PLEKHA6: variants seen among roughly 807,000 people sequenced by gnomAD.
PLEKHA6 encodes pleckstrin homology domain containing A6, also known as pleckstrin homology domain-containing family A member 6.
Under a neutral mutation model 116.7 loss-of-function variants are expected in PLEKHA6, and 60 were observed. The observed-to-expected ratio is 0.51, with a 90% confidence interval of 0.42 to 0.64. The LOEUF (loss-of-function observed/expected upper bound fraction) is 0.64, where lower values mean the gene tolerates loss of function less well. Among genes scored for constraint, PLEKHA6 ranks in the 30% least tolerant of loss-of-function variants. The pLI, the probability that PLEKHA6 is intolerant of heterozygous loss-of-function variation, is 0.00. For missense variants in PLEKHA6, 1,338 were observed against 1,422.7 expected (o/e 0.94, Z 0.96); for synonymous variants, 489 against 556.1 (o/e 0.88, Z 1.70).
intron 7 of PLEKHA6, among the ~76,000 whole-genome samples, chr1:204,260,298 G>A (rs925239208): frequency 4.6e-5 from 7 of 152,104 alleles, no homozygotes; most frequent in African/African-American, 9.7e-5. Flanking sequence ...AAAACATGGC[G>A]GGCACCAGGA....
At chr1:204,346,487 G>T (rs1338514918) in intron 1 of PLEKHA6, among the ~76,000 whole-genome samples, 1 of 152,120 alleles carries the variant, frequency 6.6e-6, no homozygotes, top group Non-Finnish European at 1.5e-5. Context: ...ACAAAGTGGA[G>T]TCAAATAAAT....
chr1:204,256,977 G>T (rs569739079), intron 9 of PLEKHA6: 2 of 582,842 alleles, frequency 3.4e-6, no homozygotes, highest in Non-Finnish European at 6.1e-6. Context: ...AGGTATTTGT[G>T]TTCAGTTCCC....
chr1:204,304,910 T>C (rs553245351), intron 1 of PLEKHA6, among the ~76,000 whole-genome samples: 1 of 152,286 alleles, frequency 6.6e-6, no homozygotes, highest in Admixed American at 6.5e-5. Context: ...GAACAAACAT[T>C]GGTTGTTATT....
intron 1 of PLEKHA6, chr1:204,347,095 G>A (rs564121817): frequency 8.2e-5 from 104 of 1,274,332 alleles, no homozygotes; most frequent in South Asian, 5.5e-4. Flanking sequence ...GTGGTAACGC[G>A]TGTGGGGCAT....
At chr1:204,372,154 A>G (rs934245417) in intron 1 of PLEKHA6, among the ~76,000 whole-genome samples, 1 of 152,226 alleles carries the variant, frequency 6.6e-6, no homozygotes, top group African/African-American at 2.4e-5. Flanking sequence ...ATTCCCTCAC[A>G]CTGGAAATTT....
rs78033105 is a variant in PLEKHA6, at chr1:204,286,382, A to G, written c.-94-11573T>C. Among the ~76,000 whole-genome samples, 18 of 152,128 alleles carry G rather than the reference A, an allele frequency of 1.2e-4. No homozygotes were observed. In the East Asian group the frequency reaches 3.5e-3, roughly 30 times the overall value. Reference sequence around the variant, plus strand: ...CAGCAGCCGTGAAGAAAGACTGGGCATGGAGGCTGTGACAAGGAGGAATAG... The same window carrying G: ...CAGCAGCCGTGAAGAAAGACTGGGCGTGGAGGCTGTGACAAGGAGGAATAG... On this transcript the variant is annotated intron_variant, in intron 1 of 22. Coordinates refer to ENST00000272203, the MANE Select transcript of PLEKHA6 (RefSeq NM_014935.5).
chr1:204,260,223 G>A (rs1365802835), intron 7 of PLEKHA6, among the ~76,000 whole-genome samples: 1 of 152,188 alleles, frequency 6.6e-6, no homozygotes, highest in Non-Finnish European at 1.5e-5. Context: ...ACTGCCAAGA[G>A]TCTTGGGCTC....
chr1:204,375,600 C>G (rs1218579197), intron 1 of PLEKHA6, among the ~76,000 whole-genome samples: 1 of 152,090 alleles, frequency 6.6e-6, no homozygotes, highest in Non-Finnish European at 1.5e-5. Context: ...TAAGTTTCTC[C>G]TCCTGCCTCT....
intron 1 of PLEKHA6, among the ~76,000 whole-genome samples, chr1:204,329,888 C>CAAAAAAAAAAAAAAA (rs35574473): frequency 1.4e-4 from 17 of 118,420 alleles, no homozygotes; most frequent in African/African-American, 5.1e-4. Context: ...GACCCTGTCT[C>CAAAAAAAAAAAAAAA]AAAAAAAAAA....
intron 1 of PLEKHA6, among the ~76,000 whole-genome samples, chr1:204,327,295 C>G (rs904489971): frequency 6.6e-6 from 1 of 152,250 alleles, no homozygotes; most frequent in Non-Finnish European, 1.5e-5. Flanking sequence ...ACCCACCTGG[C>G]GCTGAGGCCT....
At chr1:204,256,603 A>G (rs1255244112) in intron 9 of PLEKHA6, among the ~76,000 whole-genome samples, 2 of 151,982 alleles carry the variant, frequency 1.3e-5, no homozygotes, top group Non-Finnish European at 2.9e-5. Context: ...CACAGAGGAG[A>G]AGGGGTTATT....
At chr1:204,250,425 G>C (rs1664378193) in intron 10 of PLEKHA6, 121 bp downstream of exon 10, 11 of 722,082 alleles carry the variant, frequency 1.5e-5, no homozygotes, top group South Asian at 1.4e-4. Context: ...ACCAGAAGGA[G>C]AGAGATAGAT....
In PLEKHA6 at chr1:204,259,291, C is replaced by T. The variant is rs145358700; in HGVS notation, c.974G>A (p.Arg325His). 7.9e-4 allele frequency: 1,270 copies of T among 1,614,084 alleles called. No homozygotes were observed. The highest frequency in any genetic ancestry group is 1.0e-3 in the Non-Finnish European group (1,226 of 1,180,028). The change falls in exon 8 of 23, where the codon CGC becomes CAC. Residue 325 changes from arginine (R) to histidine (H), a missense_variant. Arg to His is a conservative substitution (Grantham distance 29). This residue lies in a region of PLEKHA6 where 1,136 missense variants were observed against 1,163.6 expected (regional missense o/e 0.98). Transcript: ENST00000272203. The surrounding 1 kb of genome is among the most constrained non-coding windows in gnomAD (Gnocchi z 4.6). ...GTCTTCAGGCGGGGGTACCCCCCGG[C>T]GCAGATTCACCCACTGCTGAAGCTG... ...MNQLQQWVNL[R>H]RGVPPPEDLR...
At chr1:204,296,718 T>C (rs147873014) in intron 1 of PLEKHA6, among the ~76,000 whole-genome samples, 62 of 152,280 alleles carry the variant, frequency 4.1e-4, no homozygotes, top group African/African-American at 1.1e-3. Flanking sequence ...TCTGCTTCAC[T>C]CAGAGACACC....
rs1451502814 is a variant in PLEKHA6, at chr1:204,221,458, T to A, written c.*1330A>T. On this transcript the variant is annotated 3_prime_UTR_variant, in exon 23 of 23. Transcript: ENST00000272203. ...AGCTGAGGAGGAATGCGTTTGCTTT[T>A]CTCTGTCTTCCCCGCTGCCCTCCCG... 6.6e-6 allele frequency: 1 copy of A among 152,624 alleles called. No homozygotes were observed. Among genetic ancestry groups the A allele is most frequent in the East Asian group, 1.9e-4 (1 of 5,174 alleles). 9.5% of individuals were successfully genotyped at this position (152,624 alleles called of 1,614,324 possible). A position where few individuals can be genotyped will look rare whatever the true frequency, so the allele number is the denominator to read the frequency against.
intron 1 of PLEKHA6, among the ~76,000 whole-genome samples, chr1:204,282,106 C>T (rs746981640): frequency 6.6e-6 from 1 of 152,194 alleles, no homozygotes; most frequent in East Asian, 1.9e-4. Context: ...TGTCTCCCAG[C>T]CCCTGCTCTG....
intron 1 of PLEKHA6, chr1:204,299,459 T>A (rs1476869899): frequency 6.2e-6 from 1 of 160,346 alleles, no homozygotes; most frequent in Non-Finnish European, 1.3e-5. Context: ...AAGTGGGGTG[T>A]GTCATATAGG....
At chr1:204,281,796 A>G (rs1668648798) in intron 1 of PLEKHA6, among the ~76,000 whole-genome samples, 1 of 141,804 alleles carries the variant, frequency 7.1e-6, no homozygotes, top group Admixed American at 6.7e-5. Context: ...CCCTGCCCCA[A>G]GCCAGTTTAT....
chr1:204,357,773 T>C (rs1055110166), intron 1 of PLEKHA6, among the ~76,000 whole-genome samples: 7 of 152,218 alleles, frequency 4.6e-5, no homozygotes, highest in Non-Finnish European at 8.8e-5. Flanking sequence ...CATCTGCTGT[T>C]GCGGCTTCTT....
Sources: gnomAD v4.1 joint callset for allele counts (sites outside exome capture counted in the v4.1 genomes callset) on GRCh38, gnomAD v4.1.1 for gene constraint, gnomAD v4.1.1 regional missense constraint, Gnocchi (gnomAD v3.1) non-coding constraint, MANE v1.5 for transcripts, NCBI Gene and HGNC (gene_info 2026-07-23, HGNC 2026-07-21) for gene names.